HECW2: variants seen among roughly 807,000 people sequenced by gnomAD.
HECW2 encodes the protein HECT, C2 and WW domain containing E3 ubiquitin protein ligase 2, also known as E3 ubiquitin-protein ligase HECW2.
A neutral mutation model predicts 175.2 loss-of-function variants in HECW2; 61 were observed. That is an observed-to-expected ratio of 0.35 (90% CI 0.28 to 0.43). The LOEUF (loss-of-function observed/expected upper bound fraction) is 0.43, where lower values mean the gene tolerates loss of function less well. HECW2 is among the 20% of genes least tolerant of loss of function. The pLI is 1.00. For missense variants in HECW2, 1,524 were observed against 2,000.5 expected (o/e 0.76, Z 4.54); for synonymous variants, 671 against 731.0 (o/e 0.92, Z 1.32).
rs746889397 is a variant in HECW2 at position 196,307,896 on chromosome 2, C to T, written c.2585+39G>A. 9.7e-6 allele frequency: 14 copies of T among 1,438,938 alleles called. No homozygotes were observed. In the African/African-American group the frequency reaches 1.6e-4, roughly 16 times the overall value. The allele number at this position is 1,438,938 out of a possible 1,614,324, so 89.1% of individuals were successfully genotyped here. A position where few individuals can be genotyped will look rare whatever the true frequency, so the allele number is the denominator to read the frequency against. On this transcript the variant is annotated intron_variant, in intron 11 of 28. Coordinates refer to ENST00000644978, the MANE Select transcript of HECW2 (RefSeq NM_001348768.2). ...TGTGCCAAGTAAAAATTAGCCCAACCACAAAATACAACAGTCACAGCAAAA... is the reference window on the plus strand; with the variant it reads ...TGTGCCAAGTAAAAATTAGCCCAACTACAAAATACAACAGTCACAGCAAAA...
rs6740896 is a variant in HECW2 at position 196,434,116 on chromosome 2, C to T, written c.-35-658G>A. On this transcript the variant is annotated intron_variant, in intron 1 of 28. Coordinates refer to ENST00000644978, the MANE Select transcript of HECW2 (RefSeq NM_001348768.2). ...TACTTATTTATTTGGTTATTGTCTA[C>T]TTCCCCTGACAAGAATGTAAGTTTC... is the stretch of plus-strand genomic sequence containing the variant. Among the ~76,000 whole-genome samples, 604 of 152,290 alleles carry T rather than the reference C, an allele frequency of 4.0e-3. 6 individuals carry two copies. The highest frequency in any genetic ancestry group is 0.014 in the African/African-American group (566 of 41,566).
intron 1 of HECW2, among the ~76,000 whole-genome samples, chr2:196,475,500 C>A (rs1686557509): frequency 1.3e-5 from 2 of 152,058 alleles, no homozygotes; most frequent in South Asian, 4.1e-4. Context: ...TCAGACATAG[C>A]CAGATCCAGG....
intron 21 of HECW2, among the ~76,000 whole-genome samples, chr2:196,229,126 A>C (rs1181407583): frequency 6.6e-6 from 1 of 152,220 alleles, no homozygotes; most frequent in Non-Finnish European, 1.5e-5. Flanking sequence ...CGACCCTATG[A>C]TAAAAAGTAT....
chr2:196,211,945 C>T (rs538335684), intron 28 of HECW2, among the ~76,000 whole-genome samples: 12 of 152,262 alleles, frequency 7.9e-5, no homozygotes, highest in African/African-American at 2.4e-4. Context: ...TGGGTTCAAG[C>T]GATTCTCCTG....
intron 2 of HECW2, among the ~76,000 whole-genome samples, chr2:196,420,639 G>A (rs10207188): frequency 0.95 from 144,217 of 152,310 alleles, 68,390 homozygotes; most frequent in East Asian, 1. Context: ...AACTTCACCT[G>A]TGTGCTTCCA....
chr2:196,434,756 C>A (rs186346160), intron 1 of HECW2, among the ~76,000 whole-genome samples: 206 of 152,340 alleles, frequency 1.4e-3, no homozygotes, highest in Non-Finnish European at 2.2e-3. Flanking sequence ...TGTTTCATCT[C>A]AGGGCAAACC....
chr2:196,423,453 C>T (rs1042995570), intron 2 of HECW2, among the ~76,000 whole-genome samples: 3 of 152,038 alleles, frequency 2.0e-5, no homozygotes, highest in Non-Finnish European at 4.4e-5. Flanking sequence ...GCTGCTGTGA[C>T]GGTCCTGGGT....
intron 1 of HECW2, among the ~76,000 whole-genome samples, chr2:196,513,262 A>G (rs1688020296): frequency 6.6e-6 from 1 of 152,184 alleles, no homozygotes; most frequent in African/African-American, 2.4e-5. Context: ...AAAAGTATTC[A>G]CACTTTGGGA....
intron 1 of HECW2, among the ~76,000 whole-genome samples, chr2:196,529,581 A>G (rs1465864992): frequency 2.6e-5 from 4 of 152,198 alleles, no homozygotes; most frequent in Non-Finnish European, 1.5e-5. Flanking sequence ...TAAATATTAC[A>G]TTGTTATGAA....
chr2:196,557,569 G>GA (rs111990539), intron 1 of HECW2, among the ~76,000 whole-genome samples: 1 of 150,832 alleles, frequency 6.6e-6, no homozygotes, highest in African/African-American at 2.4e-5. Flanking sequence ...AGCCCAAGGG[G>GA]AAAAAAAAAT....
Position 196,199,242 on chromosome 2 carries a change from G to C in HECW2, c.*2035C>G, listed in dbSNP as rs1686781497. 1 of 152,520 alleles carries C rather than the reference G, an allele frequency of 6.6e-6. No homozygotes were observed. Among genetic ancestry groups the C allele is most frequent in the Admixed American group, 6.6e-5 (1 of 15,260 alleles). 9.4% of individuals were successfully genotyped at this position (152,520 alleles called of 1,614,324 possible). A position where few individuals can be genotyped will look rare whatever the true frequency, so the allele number is the denominator to read the frequency against. ...CTTATAATGAAAAGAATACAAACAA[G>C]TGAAAAGTTTGCAAAATTAAATATA... is the stretch of plus-strand genomic sequence containing the variant. On this transcript the variant is annotated 3_prime_UTR_variant, in exon 29 of 29. Transcript: ENST00000644978.
chr2:196,204,133 G>A (rs183613710), intron 28 of HECW2, among the ~76,000 whole-genome samples: 14 of 151,790 alleles, frequency 9.2e-5, no homozygotes, highest in South Asian at 2.1e-4. Context: ...TTTTCCTACC[G>A]TTTGGCTATT....
chr2:196,353,278 T>C (rs1693238548), intron 2 of HECW2, among the ~76,000 whole-genome samples: 2 of 152,214 alleles, frequency 1.3e-5, no homozygotes, highest in Non-Finnish European at 1.5e-5. Flanking sequence ...ACCTTTTCAA[T>C]GAGACCTACT....
intron 2 of HECW2, among the ~76,000 whole-genome samples, chr2:196,379,684 C>CA (rs1228923177): frequency 0.13 from 3,710 of 27,572 alleles, 445 homozygotes; most frequent in African/African-American, 0.22. Context: ...TACTCCGTCT[C>CA]AAAAAAAAAA....
intron 2 of HECW2, among the ~76,000 whole-genome samples, chr2:196,417,201 T>C (rs1278368927): frequency 1.1e-4 from 17 of 152,220 alleles, no homozygotes; most frequent in Non-Finnish European, 1.5e-5. Context: ...CTTCAACAGA[T>C]AAATAATATT....
At chr2:196,383,810 A>T (rs567498604) in intron 2 of HECW2, among the ~76,000 whole-genome samples, 1 of 152,366 alleles carries the variant, frequency 6.6e-6, no homozygotes, top group Admixed American at 6.5e-5. Flanking sequence ...CACATCACTC[A>T]TTTAAAATCC....
At chr2:196,390,938 T>C (rs1408112323) in intron 2 of HECW2, among the ~76,000 whole-genome samples, 1 of 152,166 alleles carries the variant, frequency 6.6e-6, no homozygotes, top group African/African-American at 2.4e-5. Flanking sequence ...ATCTGCTGTC[T>C]TATACTCATT....
At chr2:196,415,849 A>G (rs13403763) in intron 2 of HECW2, among the ~76,000 whole-genome samples, 9,243 of 152,256 alleles carry the variant, frequency 0.061, 956 homozygotes, top group African/African-American at 0.21. Context: ...AAGTCTCAAA[A>G]AGAAGGGGCA....
At position 196,464,328 on chromosome 2, in the gene HECW2, T is replaced by C. The variant is rs188704824; in HGVS notation, c.-35-30870A>G. On this transcript the variant is annotated intron_variant, in intron 1 of 28. Coordinates refer to ENST00000644978, the MANE Select transcript of HECW2 (RefSeq NM_001348768.2). ...GAAAAAATTTCAGGTAGAACTAGGG[T>C]TCAATAGTAACGCTGGGAGTTAGAA... 2.1e-4 allele frequency among the ~76,000 whole-genome samples: 32 copies of C among 152,176 alleles called. No homozygotes were observed. In the East Asian group the frequency reaches 4.4e-3, roughly 21 times the overall value.
Sources: gnomAD v4.1 joint callset for allele counts (sites outside exome capture counted in the v4.1 genomes callset) on GRCh38, gnomAD v4.1.1 for gene constraint, MANE v1.5 for transcripts, NCBI Gene and HGNC (gene_info 2026-07-23, HGNC 2026-07-21) for gene names.